Variants in SKAP2 observed in about 807,000 individuals in gnomAD.
The protein encoded by SKAP2 is src kinase associated phosphoprotein 2.
In SKAP2, 28 loss-of-function variants were observed where a neutral mutation model predicts 54.9. The observed-to-expected ratio is 0.51, with a 90% CI of 0.38 to 0.70. SKAP2 has a LOEUF of 0.70. SKAP2 is among the 30% of genes least tolerant of loss of function. The probability of loss-of-function intolerance (pLI) is 0.00; values close to 1 mark genes in which losing one functional copy is unlikely to be tolerated. For synonymous variants in SKAP2, 137 were observed against 134.3 expected (o/e 1.02, Z -0.14); for missense variants, 356 against 424.1 (o/e 0.84, Z 1.41).
At chr7:26,862,363 TA>T (rs1785287880) in intron 1 of SKAP2, among the ~76,000 whole-genome samples, 1 of 152,048 alleles carries the variant, frequency 6.6e-6, no homozygotes, top group Non-Finnish European at 1.5e-5. Flanking sequence ...TCTTTAAACA[TA>T]AATACGCCCC....
chr7:26,695,907 A>G (rs1786885226), intron 9 of SKAP2, among the ~76,000 whole-genome samples: 1 of 152,172 alleles, frequency 6.6e-6, no homozygotes, highest in Admixed American at 6.5e-5. Flanking sequence ...AACAGAGGAC[A>G]CCACCGGCTA....
chr7:26,837,358 A>G (rs1784735774), intron 4 of SKAP2, among the ~76,000 whole-genome samples: 1 of 152,066 alleles, frequency 6.6e-6, no homozygotes, highest in East Asian at 1.9e-4. Context: ...AAGAGGTTTA[A>G]TTGGCTTATG....
intron 9 of SKAP2, among the ~76,000 whole-genome samples, chr7:26,703,320 A>G (rs1787086480): frequency 6.6e-6 from 1 of 152,222 alleles, no homozygotes; most frequent in African/African-American, 2.4e-5. Flanking sequence ...AGGATTGGAC[A>G]TGGTTGTCCT....
Position 26,669,358 on chromosome 7 carries a change from A to G in SKAP2, c.*308T>C, listed in dbSNP as rs997256947. 2 of 152,190 alleles carry G rather than the reference A, an allele frequency of 1.3e-5. No homozygotes were observed. The highest frequency in any genetic ancestry group is 2.9e-5 in the Non-Finnish European group (2 of 68,010). 9.4% of individuals were successfully genotyped at this position (152,190 alleles called of 1,614,324 possible). A position where few individuals can be genotyped will look rare whatever the true frequency, so the allele number is the denominator to read the frequency against. On this transcript the variant is annotated 3_prime_UTR_variant, in exon 13 of 13. Transcript: ENST00000345317. ...GTAGCATACTATGCTATAGTAGACT[A>G]TATGTTACGTATAAAATAGTGATGA...
At chr7:26,728,430 G>A (rs1316960034) in intron 6 of SKAP2, among the ~76,000 whole-genome samples, 2 of 151,966 alleles carry the variant, frequency 1.3e-5, no homozygotes, top group African/African-American at 4.8e-5. Context: ...TTATTTGTCC[G>A]CGGAATCATT....
intron 3 of SKAP2, chr7:26,848,051 C>T (rs1784961006): frequency 6.6e-6 from 1 of 152,196 alleles, no homozygotes; most frequent in Non-Finnish European, 1.5e-5. Context: ...TTTAATCATA[C>T]TACAGCAGCA....
At chr7:26,691,460 A>T (rs1189908543) in intron 9 of SKAP2, among the ~76,000 whole-genome samples, 1 of 152,250 alleles carries the variant, frequency 6.6e-6, no homozygotes, top group East Asian at 1.9e-4. Flanking sequence ...AAAGAAAAAT[A>T]TGCAAAATAT....
intron 1 of SKAP2, among the ~76,000 whole-genome samples, chr7:26,860,963 T>C (rs1052183182): frequency 3.9e-5 from 6 of 152,028 alleles, no homozygotes; most frequent in Admixed American, 3.9e-4. Context: ...TATTTATTGT[T>C]TGTTTGGTTT....
intron 4 of SKAP2, among the ~76,000 whole-genome samples, chr7:26,834,343 C>T (rs189155637): frequency 6.6e-6 from 1 of 152,154 alleles, no homozygotes; most frequent in Non-Finnish European, 1.5e-5. Flanking sequence ...TAACTAAGAT[C>T]AGAGCAGAAC....
chr7:26,665,719 A>G (rs1786094744), downstream of SKAP2, among the ~76,000 whole-genome samples: 1 of 152,184 alleles, frequency 6.6e-6, no homozygotes, highest in East Asian at 1.9e-4. Flanking sequence ...ATCATAAAAT[A>G]GTATGCTATC....
intron 4 of SKAP2, among the ~76,000 whole-genome samples, chr7:26,742,954 C>A (rs968923552): frequency 6.6e-6 from 1 of 152,032 alleles, no homozygotes; most frequent in Non-Finnish European, 1.5e-5. Context: ...ACGATTAACG[C>A]TATTGACATT....
At chr7:26,794,268 G>T (rs555096469) in intron 4 of SKAP2, among the ~76,000 whole-genome samples, 1 of 152,244 alleles carries the variant, frequency 6.6e-6, no homozygotes, top group Admixed American at 6.5e-5. Flanking sequence ...GGAAAAAGTG[G>T]CTAAAGGAAT....
intron 4 of SKAP2, among the ~76,000 whole-genome samples, chr7:26,810,772 C>G (rs966429246): frequency 6.6e-6 from 1 of 152,192 alleles, no homozygotes; most frequent in Admixed American, 6.5e-5. Context: ...ACCTCCACTT[C>G]CCAGGTTCAA....
chr7:26,718,640 G>C (rs1475549651), intron 9 of SKAP2, among the ~76,000 whole-genome samples: 1 of 151,910 alleles, frequency 6.6e-6, no homozygotes, highest in South Asian at 2.1e-4. Context: ...CGAGTAGCCG[G>C]GACTACAGGC....
chr7:26,687,935 CA>C (rs546409028), intron 10 of SKAP2, among the ~76,000 whole-genome samples: 12 of 148,106 alleles, frequency 8.1e-5, no homozygotes, highest in East Asian at 3.9e-4. Flanking sequence ...TTAAAAATTA[CA>C]AAAAAAAACT....
At chr7:26,731,229 C>T (rs1787818991) in intron 6 of SKAP2, among the ~76,000 whole-genome samples, 1 of 152,228 alleles carries the variant, frequency 6.6e-6, no homozygotes, top group Admixed American at 6.5e-5. Context: ...ATATAGGAAT[C>T]TCTGTGGGTG....
Position 26,722,477 on chromosome 7 carries a change from C to T in SKAP2, c.796+2951G>A, listed in dbSNP as rs558374060. On this transcript the variant is annotated intron_variant, in intron 9 of 12. Coordinates refer to ENST00000345317, the MANE Select transcript of SKAP2 (RefSeq NM_003930.5). ...CTCAATCTTGGCTCACTGCAGCCTC[C>T]GCCTCCCGGATTCAAGTGATTCTCC... 1.0e-4 allele frequency among the ~76,000 whole-genome samples: 15 copies of T among 150,006 alleles called. 1 individual carries two copies. The highest frequency in any genetic ancestry group is 6.8e-3 in the Middle Eastern group (2 of 292).
chr7:26,709,424 G>A (rs1042588165), intron 9 of SKAP2, among the ~76,000 whole-genome samples: 4 of 152,176 alleles, frequency 2.6e-5, no homozygotes, highest in African/African-American at 9.6e-5. Flanking sequence ...AGTACTAGGA[G>A]TGAGCAGCCT....
intron 7 of SKAP2, 166 bp downstream of exon 7, chr7:26,726,711 ATTTTT>A: frequency 2.0e-6 from 1 of 491,760 alleles, no homozygotes. Flanking sequence ...TTAATCTGAA[ATTTTT>A]AAAAATTTCC....
Sources: allele counts gnomAD v4.1 joint callset (sites outside exome capture counted in the v4.1 genomes callset), GRCh38; gene constraint gnomAD v4.1.1; transcripts MANE v1.5; gene names NCBI Gene and HGNC (gene_info 2026-07-23, HGNC 2026-07-21).